SPRY3: variants seen among roughly 807,000 people sequenced by gnomAD.
The protein encoded by SPRY3 is sprouty RTK signaling antagonist 3.
In SPRY3, 15 loss-of-function variants were observed where a neutral mutation model predicts 20.2. The observed-to-expected ratio is 0.74, with a 90% CI of 0.50 to 1.14. The LOEUF is 1.14. Among genes scored for constraint, SPRY3 ranks in the 50% most tolerant of loss-of-function variants. The probability of loss-of-function intolerance (pLI) is 0.00; values close to 1 mark genes in which losing one functional copy is unlikely to be tolerated. For synonymous variants in SPRY3, 143 were observed against 136.5 expected (o/e 1.05, Z -0.33); for missense variants, 364 against 363.9 (o/e 1.00, Z 0.00).
rs767386608 is a variant in SPRY3 at position 155,736,453 on chromosome X, G to C, written c.-281-31509G>C. On this transcript the variant is annotated intron_variant, in intron 2 of 3. Coordinates refer to ENST00000675360, the Ensembl canonical transcript of SPRY3. ...CTTCACTTTGAAGGACAGTTTAATT[G>C]GATATAGAACTCTAGGTTGGTGGGT... is the stretch of plus-strand genomic sequence containing the variant. 3.3e-5 allele frequency among the ~76,000 whole-genome samples: 5 copies of C among 151,916 alleles called. No individual in the cohort carries two copies. In the South Asian group the frequency reaches 1.0e-3, roughly 32 times the overall value.
chrX:155,752,082 C>A (rs1039097602), intron 2 of SPRY3, among the ~76,000 whole-genome samples: 1 of 151,314 alleles, frequency 6.6e-6, no homozygotes, highest in African/African-American at 2.4e-5. Flanking sequence ...TTGAAAGAGC[C>A]CACCAAGTCT....
At chrX:155,770,537 C>T (rs1320215802) in intron 3 of SPRY3, among the ~76,000 whole-genome samples, 1 of 152,074 alleles carries the variant, frequency 6.6e-6, no homozygotes, top group African/African-American at 2.4e-5. Context: ...ACTGCAGAGG[C>T]ACTACGTGAC....
intron 2 of SPRY3, among the ~76,000 whole-genome samples, chrX:155,751,940 A>AAATAAAAT (rs1556206547): frequency 9.9e-5 from 4 of 40,216 alleles, no homozygotes; most frequent in Admixed American, 2.7e-4. Flanking sequence ...AAATAAAATA[A>AAATAAAAT]AATAAAATAA....
chrX:155,698,156 G>A (rs1237608290), intron 2 of SPRY3, among the ~76,000 whole-genome samples: 1 of 111,116 alleles, frequency 9.0e-6, no homozygotes, highest in Non-Finnish European at 1.9e-5. Flanking sequence ...AATAAAGATG[G>A]ATGAGTAGTA....
chrX:155,773,732 T>A, intron 3 of SPRY3, 34 bp from the exon 3 acceptor site: 1 of 976,452 alleles, frequency 1.0e-6, no homozygotes, highest in Non-Finnish European at 1.6e-6. Flanking sequence ...TGCCTGTGTG[T>A]TCTCATTTAC....
intron 2 of SPRY3, among the ~76,000 whole-genome samples, chrX:155,659,544 T>G (rs1454208661): frequency 9.0e-6 from 1 of 111,311 alleles, no homozygotes; most frequent in Non-Finnish European, 1.9e-5. Context: ...GTCAGGGTGA[T>G]GATGGCTTTA....
intron 2 of SPRY3, among the ~76,000 whole-genome samples, chrX:155,703,924 G>A (rs1349708242): frequency 6.6e-6 from 1 of 151,742 alleles, no homozygotes; most frequent in African/African-American, 2.4e-5. Flanking sequence ...TGAAGCCTGT[G>A]GTGGTTCACT....
At chrX:155,723,314 G>A (rs1406713120) in intron 2 of SPRY3, among the ~76,000 whole-genome samples, 1 of 152,046 alleles carries the variant, frequency 6.6e-6, no homozygotes, top group Non-Finnish European at 1.5e-5. Context: ...GGGATGGCTG[G>A]GTCAAATGGT....
At chrX:155,715,582 G>C (rs1242104011) in intron 2 of SPRY3, among the ~76,000 whole-genome samples, 1 of 152,122 alleles carries the variant, frequency 6.6e-6, no homozygotes, top group East Asian at 1.9e-4. Context: ...TGCCCCAGCT[G>C]GTGTCTCACT....
intron 1 of SPRY3, among the ~76,000 whole-genome samples, chrX:155,635,141 G>GT (rs1204934677): frequency 1.8e-5 from 2 of 110,165 alleles, no homozygotes; most frequent in African/African-American, 6.6e-5. Flanking sequence ...GTTGTGTTTG[G>GT]TTTTTTGTTT....
intron 2 of SPRY3, among the ~76,000 whole-genome samples, chrX:155,752,571 CATA>C (rs2091268674): frequency 6.6e-6 from 1 of 150,726 alleles, no homozygotes; most frequent in Non-Finnish European, 1.5e-5. Flanking sequence ...CTTACAGATC[CATA>C]ATAAGAAAAA....
intron 2 of SPRY3, among the ~76,000 whole-genome samples, chrX:155,752,462 C>A (rs2091268109): frequency 6.6e-6 from 1 of 151,270 alleles, no homozygotes; most frequent in Admixed American, 6.6e-5. Context: ...ATTAAAAAGA[C>A]CAATGGCAAA....
chrX:155,629,636 G>A lies in SPRY3; in HGVS notation c.-441+16989G>A, dbSNP rs782594913. On this transcript the variant is annotated intron_variant, in intron 1 of 3. Coordinates refer to ENST00000675360, the Ensembl canonical transcript of SPRY3. ...ACAGTCCCACCAACAGTGTAAAAGC[G>A]TTCCTATTTCTCCACATCCTCTCCA... is the stretch of plus-strand genomic sequence containing the variant. Among the ~76,000 whole-genome samples, 40 of 111,598 alleles carry A rather than the reference G, an allele frequency of 3.6e-4. No individual in the cohort carries two copies. In the South Asian group the frequency reaches 0.014, roughly 39 times the overall value.
At chrX:155,616,990 A>C (rs1216336101) in intron 1 of SPRY3, among the ~76,000 whole-genome samples, 1 of 108,816 alleles carries the variant, frequency 9.2e-6, no homozygotes, top group Non-Finnish European at 1.9e-5. Flanking sequence ...GATAATTTAT[A>C]AAGGTCTCAG....
At chrX:155,633,697 T>C (rs1029055262) in intron 1 of SPRY3, among the ~76,000 whole-genome samples, 5 of 111,833 alleles carry the variant, frequency 4.5e-5, no homozygotes, top group Non-Finnish European at 9.4e-5. Context: ...TTTTGACCTA[T>C]GTTTGTGACA....
Position 155,723,291 on chromosome X carries a change from T to A in SPRY3, c.-281-44671T>A, listed in dbSNP as rs191972051. ...AGTATGATTTATAATCCTTTAGGTA[T>A]ATACCCAGTAATGGGATGGCTGGGT... On this transcript the variant is annotated intron_variant, in intron 2 of 3. Coordinates refer to ENST00000675360, the Ensembl canonical transcript of SPRY3. Among the ~76,000 whole-genome samples the A allele has an allele frequency of 9.0e-3, 1,371 of 152,312 alleles. 21 individuals are homozygous for A. The highest frequency in any genetic ancestry group is 0.031 in the African/African-American group (1,307 of 41,562).
intron 2 of SPRY3, among the ~76,000 whole-genome samples, chrX:155,758,455 T>A (rs1458747560): frequency 6.6e-6 from 1 of 152,182 alleles, no homozygotes; most frequent in Non-Finnish European, 1.5e-5. Flanking sequence ...GAAATAATTA[T>A]CTCCATCCCC....
At chrX:155,640,741 T>A (rs374361902) in intron 1 of SPRY3, among the ~76,000 whole-genome samples, 3 of 112,059 alleles carry the variant, frequency 2.7e-5, no homozygotes, top group African/African-American at 9.7e-5. Context: ...TCACTGGGCA[T>A]ATAGAAATGG....
At chrX:155,709,742 C>T (rs1258115563) in intron 2 of SPRY3, among the ~76,000 whole-genome samples, 1 of 151,692 alleles carries the variant, frequency 6.6e-6, no homozygotes, top group Non-Finnish European at 1.5e-5. Flanking sequence ...TTTGCCCAGA[C>T]CAATGTCCTG....
Sources: gnomAD v4.1 joint callset for allele counts (sites outside exome capture counted in the v4.1 genomes callset) on GRCh38, gnomAD v4.1.1 for gene constraint, MANE v1.5 for transcripts, NCBI Gene and HGNC (gene_info 2026-07-23, HGNC 2026-07-21) for gene names.